Variants in TBC1D5 observed in about 807,000 individuals in gnomAD.
TBC1D5 encodes TBC1 domain family member 5, also known as TBC1 domain family, member 5.
TBC1D5 carries 75 observed loss-of-function variants against 100.3 expected under a neutral mutation model. The ratio of observed to expected loss-of-function variants is 0.75; its 90% CI spans 0.62 to 0.91. The LOEUF (loss-of-function observed/expected upper bound fraction) is 0.91, where lower values mean the gene tolerates loss of function less well. Among genes scored for constraint, TBC1D5 ranks in the 40% least tolerant of loss-of-function variants. The pLI is 0.00. For synonymous variants in TBC1D5, 323 were observed against 325.6 expected (o/e 0.99, Z 0.09); for missense variants, 910 against 942.4 (o/e 0.97, Z 0.45).
At chr3:17,278,233 T>G (rs963005131) in intron 15 of TBC1D5, among the ~76,000 whole-genome samples, 47 of 152,322 alleles carry the variant, frequency 3.1e-4, no homozygotes, top group African/African-American at 1.1e-3. Flanking sequence ...CAGAACTATG[T>G]GTGTGCTGGG....
chr3:17,408,728 A>C (rs1288632938), intron 4 of TBC1D5, among the ~76,000 whole-genome samples: 1 of 152,174 alleles, frequency 6.6e-6, no homozygotes, highest in Non-Finnish European at 1.5e-5. Flanking sequence ...TGCCTTCATC[A>C]GCCAATTTTT....
At chr3:17,689,606 T>C (rs1414926962) in intron 1 of TBC1D5, among the ~76,000 whole-genome samples, 1 of 150,904 alleles carries the variant, frequency 6.6e-6, no homozygotes, top group African/African-American at 2.4e-5. Flanking sequence ...AAATGTATAA[T>C]TCAGACAATG....
chr3:17,580,390 G>A (rs1045298391), intron 2 of TBC1D5, among the ~76,000 whole-genome samples: 2 of 152,116 alleles, frequency 1.3e-5, no homozygotes, highest in African/African-American at 4.8e-5. Context: ...GCCTAAAGAA[G>A]TGGGAAGCAA....
At chr3:17,320,706 A>T (rs2085304467) in intron 13 of TBC1D5, among the ~76,000 whole-genome samples, 1 of 152,204 alleles carries the variant, frequency 6.6e-6, no homozygotes, top group East Asian at 1.9e-4. Context: ...TGCAAAACAG[A>T]GATATACATT....
chr3:17,467,544 T>C (rs2095321764), intron 3 of TBC1D5, among the ~76,000 whole-genome samples: 1 of 151,864 alleles, frequency 6.6e-6, no homozygotes, highest in African/African-American at 2.4e-5. Flanking sequence ...CTACATAATA[T>C]AGACACAAAA....
chr3:17,550,706 T>C (rs1019486615), intron 2 of TBC1D5, among the ~76,000 whole-genome samples: 2 of 152,184 alleles, frequency 1.3e-5, no homozygotes, highest in African/African-American at 4.8e-5. Context: ...ATCCAATATG[T>C]TATATGTTTA....
chr3:17,303,833 C>G (rs961437624), intron 14 of TBC1D5, among the ~76,000 whole-genome samples: 1 of 84,486 alleles, frequency 1.2e-5, no homozygotes, highest in Non-Finnish European at 2.2e-5. Context: ...CAATCTACCT[C>G]TTTTTTTTTT....
intron 13 of TBC1D5, among the ~76,000 whole-genome samples, chr3:17,357,507 T>C (rs770455036): frequency 2.6e-5 from 4 of 152,116 alleles, no homozygotes; most frequent in Non-Finnish European, 1.5e-5. Context: ...TGCCTAGAGG[T>C]GATCGACGTA....
In TBC1D5 at chr3:17,238,455, T is replaced by C. The variant is rs368527843; in HGVS notation, c.1332-36A>G. 8.5e-4 allele frequency: 1,351 copies of C among 1,583,100 alleles called. 18 individuals carry two copies. The South Asian group carries it at 0.015, about 17-fold the overall frequency. On this transcript the variant is annotated intron_variant, in intron 16 of 21. Coordinates refer to ENST00000253692, the Ensembl canonical transcript of TBC1D5. ...AAGAAATGGAGAAGCATTATTTACA[T>C]TAGAGGATGATTCTATTTCACATAA...
intron 1 of TBC1D5, among the ~76,000 whole-genome samples, chr3:17,628,699 G>C (rs1045281097): frequency 6.6e-6 from 1 of 152,176 alleles, no homozygotes; most frequent in East Asian, 1.9e-4. Flanking sequence ...AAAGAAGAGA[G>C]ATGCTCATTC....
chr3:17,690,906 G>A (rs191831292), intron 1 of TBC1D5, among the ~76,000 whole-genome samples: 22 of 152,314 alleles, frequency 1.4e-4, no homozygotes, highest in Admixed American at 8.5e-4. Context: ...CCAGCAGTAC[G>A]TAAAGCTAGA....
At chr3:17,591,344 G>A (rs1214169776) in intron 2 of TBC1D5, among the ~76,000 whole-genome samples, 2 of 143,298 alleles carry the variant, frequency 1.4e-5, no homozygotes, top group East Asian at 2.3e-4. Context: ...ACTCTTGAAT[G>A]AAAGCAAGGC....
chr3:17,342,758 A>G (rs2089207570), intron 13 of TBC1D5, among the ~76,000 whole-genome samples: 2 of 152,212 alleles, frequency 1.3e-5, no homozygotes, highest in Admixed American at 6.5e-5. Context: ...TATAATATAT[A>G]AACAAATTTA....
chr3:17,649,718 T>C (rs1378849963), intron 1 of TBC1D5, among the ~76,000 whole-genome samples: 1 of 152,090 alleles, frequency 6.6e-6, no homozygotes. Flanking sequence ...GTTCAACCAT[T>C]GTGGAAGACA....
chr3:17,408,423 C>T (rs1423264172), intron 4 of TBC1D5, among the ~76,000 whole-genome samples: 3 of 152,040 alleles, frequency 2.0e-5, no homozygotes, highest in Non-Finnish European at 2.9e-5. Flanking sequence ...AATCCTCCCA[C>T]CTCAGCCTCC....
At chr3:17,177,179 A>G (rs2067859768) in intron 19 of TBC1D5, among the ~76,000 whole-genome samples, 2 of 152,246 alleles carry the variant, frequency 1.3e-5, no homozygotes, top group Admixed American at 1.3e-4. Flanking sequence ...AGAAAAAGGG[A>G]AAGAACCAGA....
At chr3:17,638,502 G>A (rs1041926561) in intron 1 of TBC1D5, among the ~76,000 whole-genome samples, 1 of 152,020 alleles carries the variant, frequency 6.6e-6, no homozygotes, top group South Asian at 2.1e-4. Context: ...ATTTTCTGTG[G>A]AAGCAAATGG....
chr3:17,741,087 CTTTA>C (rs563245973), upstream of TBC1D5, among the ~76,000 whole-genome samples: 3 of 152,320 alleles, frequency 2.0e-5, no homozygotes, highest in South Asian at 2.1e-4. Context: ...AAATACAACA[CTTTA>C]TTTATTTGCA....
chr3:17,593,084 G>A (rs2060336733), intron 2 of TBC1D5, among the ~76,000 whole-genome samples: 1 of 152,134 alleles, frequency 6.6e-6, no homozygotes, highest in African/African-American at 2.4e-5. Flanking sequence ...ACATGAGGAA[G>A]TAGCTCAAAT....
Sources: allele counts gnomAD v4.1 joint callset (sites outside exome capture counted in the v4.1 genomes callset), GRCh38; gene constraint gnomAD v4.1.1; transcripts MANE v1.5; gene names NCBI Gene and HGNC (gene_info 2026-07-23, HGNC 2026-07-21).